The following KATNAL2 variants were observed in gnomAD, a reference collection of about 807,000 sequenced individuals.
KATNAL2 encodes the protein katanin p60 ATPase-containing subunit A-like 2.
A neutral mutation model predicts 76.3 loss-of-function variants in KATNAL2; 52 were observed. The ratio of observed to expected loss-of-function variants is 0.68; its 90% CI spans 0.55 to 0.86. KATNAL2 has a LOEUF of 0.86. Ranked by LOEUF, KATNAL2 falls within the 40% of genes least tolerant of loss-of-function variation. The pLI, the probability that KATNAL2 is intolerant of heterozygous loss-of-function variation, is 0.00. For synonymous variants in KATNAL2, 243 were observed against 244.2 expected, an observed-to-expected ratio of 1.00 and a Z score of 0.05; for missense variants, 660 against 668.9, an observed-to-expected ratio of 0.99 and a Z score of 0.15.
intron 3 of KATNAL2, among the ~76,000 whole-genome samples, chr18:47,025,347 A>G (rs373263125): frequency 2.5e-5 from 3 of 120,214 alleles, no homozygotes; most frequent in African/African-American, 5.9e-5. Flanking sequence ...TATTGGTGCC[A>G]CGGTTTGGGC....
chr18:47,086,339 C>T lies in KATNAL2; in HGVS notation c.1211+8878C>T, dbSNP rs556728346. Among the ~76,000 whole-genome samples the T allele has an allele frequency of 7.2e-5, 11 of 152,210 alleles. No homozygotes were observed. The East Asian group carries it at 1.2e-3, about 16-fold the overall frequency. On this transcript the variant is annotated intron_variant, in intron 15 of 17. Transcript: ENST00000683218. ...TTTTTTTTATTTGGAGACAGAGTCT[C>T]GCTCTGTTCCCCAGGCTGGAGTGCT...
intron 15 of KATNAL2, among the ~76,000 whole-genome samples, chr18:47,094,291 G>A (rs991447176): frequency 6.6e-6 from 1 of 152,128 alleles, no homozygotes; most frequent in South Asian, 2.1e-4. Flanking sequence ...TGAAATTTCT[G>A]TTCTTGATAA....
At chr18:47,093,096 T>C (rs2063072269) in intron 15 of KATNAL2, among the ~76,000 whole-genome samples, 1 of 152,218 alleles carries the variant, frequency 6.6e-6, no homozygotes, top group African/African-American at 2.4e-5. Flanking sequence ...GCTTTTATGA[T>C]CCTTTCTTTG....
At chr18:46,924,427 T>A (rs778373852) in intron 1 of KATNAL2, among the ~76,000 whole-genome samples, 1 of 152,294 alleles carries the variant, frequency 6.6e-6, no homozygotes, top group Non-Finnish European at 1.5e-5. Flanking sequence ...TCTGTTACAT[T>A]GGTCTATATC....
At chr18:47,085,363 C>T (rs927806016) in intron 15 of KATNAL2, among the ~76,000 whole-genome samples, 5 of 152,164 alleles carry the variant, frequency 3.3e-5, no homozygotes, top group African/African-American at 1.2e-4. Flanking sequence ...GCCAAGCTAA[C>T]TTTGGGAGAC....
intron 10 of KATNAL2, among the ~76,000 whole-genome samples, chr18:47,066,490 G>A (rs1255212927): frequency 6.6e-6 from 1 of 152,034 alleles, no homozygotes; most frequent in Non-Finnish European, 1.5e-5. Context: ...GGGAATGATC[G>A]CTAGCGAAAA....
chr18:47,042,891 C>T (rs2061009691), intron 3 of KATNAL2, among the ~76,000 whole-genome samples: 1 of 152,088 alleles, frequency 6.6e-6, no homozygotes, highest in African/African-American at 2.4e-5. Flanking sequence ...GGAAAATGAC[C>T]TACACCAAAG....
At chr18:46,958,182 G>A (rs1198226861) in intron 3 of KATNAL2, among the ~76,000 whole-genome samples, 1 of 151,442 alleles carries the variant, frequency 6.6e-6, no homozygotes, top group Non-Finnish European at 1.5e-5. Flanking sequence ...CCTGAGTCTT[G>A]AGTCTGGCTG....
chr18:47,034,389 C>G (rs1416199652), intron 3 of KATNAL2: 1 of 1,614,068 alleles, frequency 6.2e-7, no homozygotes, highest in Non-Finnish European at 8.5e-7. Flanking sequence ...CAGGGACACG[C>G]TGGCCGCTGC....
At chr18:47,080,552 G>A (rs116465125) in intron 15 of KATNAL2, among the ~76,000 whole-genome samples, 4 of 152,256 alleles carry the variant, frequency 2.6e-5, no homozygotes, top group African/African-American at 7.2e-5. Flanking sequence ...ATACCTATGA[G>A]TAGAATTATT....
At chr18:46,949,087 T>C (rs1216256680) in intron 3 of KATNAL2, among the ~76,000 whole-genome samples, 2 of 151,670 alleles carry the variant, frequency 1.3e-5, no homozygotes, top group South Asian at 2.1e-4. Context: ...TTAGTAGAAA[T>C]GGGTTTTGCC....
rs369924578 is a variant in KATNAL2, at chr18:47,034,226, G to C, written c.52-12231G>C. ...TGAGCAGTCGGTGGCTTCCCCTCTT[G>C]AGTCTCTCGGTCGTTGGAAAGCTGC... is the stretch of plus-strand genomic sequence containing the variant. On this transcript the variant is annotated intron_variant, in intron 3 of 17. Coordinates refer to ENST00000683218, the MANE Select transcript of KATNAL2 (RefSeq NM_001387690.1). The C allele has an allele frequency of 6.2e-7, 1 of 1,613,832 alleles. No homozygotes were observed. The highest frequency in any genetic ancestry group is 1.3e-5 in the African/African-American group (1 of 74,936).
rs545163285 is a variant in KATNAL2 at position 47,035,584 on chromosome 18, C to G, written c.52-10873C>G. On this transcript the variant is annotated intron_variant, in intron 3 of 17. Coordinates refer to ENST00000683218, the MANE Select transcript of KATNAL2 (RefSeq NM_001387690.1). ...CAGAGCTGGGCCTTATGTAGCCCAT[C>G]CCAGGCTGACACTCACGGCTCTAGC... The G allele has an allele frequency of 2.3e-4, 129 of 551,122 alleles. 2 individuals are homozygous for G. The East Asian group carries it at 2.7e-3, about 12-fold the overall frequency. 34.1% of individuals were successfully genotyped at this position (551,122 alleles called of 1,614,324 possible).
At chr18:47,031,331 A>G (rs190018015) in intron 3 of KATNAL2, among the ~76,000 whole-genome samples, 214 of 151,160 alleles carry the variant, frequency 1.4e-3, no homozygotes, top group African/African-American at 3.0e-3. Context: ...CATTTGAAAT[A>G]TGTATGTTTT....
At chr18:46,918,944 A>T in intron 1 of KATNAL2, among the ~76,000 whole-genome samples, 1 of 151,526 alleles carries the variant, frequency 6.6e-6, no homozygotes, top group Admixed American at 6.6e-5. Context: ...TCTCCATGGT[A>T]ATTATGTAGG....
At position 47,058,828 on chromosome 18, in the gene KATNAL2, T is replaced by G. The variant is rs145650701; in HGVS notation, c.450+476T>G. On this transcript the variant is annotated intron_variant, in intron 7 of 17. Transcript: ENST00000683218. ...AGGTCTCCTGTTGGGCTCCTCCAAA[T>G]CGCACATGGTCAGCCCTCACCCCAG... Among the ~76,000 whole-genome samples the G allele has an allele frequency of 3.9e-3, 587 of 152,236 alleles. 9 individuals carry two copies. Among genetic ancestry groups the G allele is most frequent in the African/African-American group, 0.013 (560 of 41,546 alleles).
chr18:47,076,447 A>G (rs1223829299), intron 14 of KATNAL2: 1 of 58,992 alleles, frequency 1.7e-5, no homozygotes, highest in East Asian at 2.9e-4. Context: ...GCCCACCCTC[A>G]TAGTCACTCT....
At chr18:46,939,063 T>A (rs1436586344) in intron 1 of KATNAL2, among the ~76,000 whole-genome samples, 1 of 152,136 alleles carries the variant, frequency 6.6e-6, no homozygotes, top group African/African-American at 2.4e-5. Context: ...GAAATGAGGC[T>A]AGGCATGGTG....
At position 47,099,268 on chromosome 18, in the gene KATNAL2, C is replaced by T. The variant is rs1216801791; in HGVS notation, c.1237C>T (p.Arg413Cys). ...PWELDCAMLR[R>C]LEKRILVDLP... Reference sequence around the variant, plus strand: ...GGAGCTGGACTGTGCCATGTTACGCCGCCTGGAGAAGAGGATTCTGGTCGA... The same window carrying T: ...GGAGCTGGACTGTGCCATGTTACGCTGCCTGGAGAAGAGGATTCTGGTCGA... Residue 413 changes from arginine to cysteine, a missense_variant, in exon 16 of 18, where the codon CGC becomes TGC. Physicochemically the swap from Arg to Cys is radical, Grantham distance 180. Coordinates refer to ENST00000683218, the MANE Select transcript of KATNAL2 (RefSeq NM_001387690.1). The T allele has an allele frequency of 3.1e-6, 5 of 1,613,682 alleles. No individual in the cohort carries two copies. Among genetic ancestry groups the T allele is most frequent in the South Asian group, 2.2e-5 (2 of 91,002 alleles).
Sources: allele counts gnomAD v4.1 joint callset (sites outside exome capture counted in the v4.1 genomes callset), GRCh38; gene constraint gnomAD v4.1.1; transcripts MANE v1.5; gene names NCBI Gene and HGNC (gene_info 2026-07-23, HGNC 2026-07-21).